The following KHDC4 variants were observed in gnomAD, a reference collection of about 807,000 sequenced individuals.
KHDC4 encodes KH homology domain-containing protein 4.
Under a neutral mutation model 74.5 loss-of-function variants are expected in KHDC4, and 19 were observed. That is an observed-to-expected ratio of 0.26 (90% CI 0.18 to 0.37). The LOEUF (loss-of-function observed/expected upper bound fraction) is 0.37, where lower values mean the gene tolerates loss of function less well. KHDC4 is among the 10% of genes least tolerant of loss of function. KHDC4 has a pLI of 1.00. For synonymous variants in KHDC4, 253 were observed against 266.1 expected (o/e 0.95, Z 0.48); for missense variants, 632 against 754.1 (o/e 0.84, Z 1.90).
At chr1:155,925,283 G>A (rs1351380868) in intron 7 of KHDC4, among the ~76,000 whole-genome samples, 5 of 151,648 alleles carry the variant, frequency 3.3e-5, no homozygotes, top group East Asian at 1.9e-4. Context: ...CACCCGCCTC[G>A]GCCTCCCAAA....
In KHDC4 at chr1:155,925,530, C is replaced by T. The variant is rs530726339; in HGVS notation, c.893+102G>A. ...TAGCATTTATCTAAATCCCTCATTA[C>T]TATTAATTACACCCAGTTTTCTCTT... is the stretch of plus-strand genomic sequence containing the variant. On this transcript the variant is annotated intron_variant, in intron 7 of 13. Coordinates refer to ENST00000368321, the MANE Select transcript of KHDC4 (RefSeq NM_014949.4). 91 of 838,434 alleles carry T rather than the reference C, an allele frequency of 1.1e-4. No individual in the cohort carries two copies. In the African/African-American group the frequency reaches 1.4e-3, roughly 13 times the overall value. The allele number at this position is 838,434 out of a possible 1,614,324, so 51.9% of individuals were successfully genotyped here. A position where few individuals can be genotyped will look rare whatever the true frequency, so the allele number is the denominator to read the frequency against.
At chr1:155,916,957 T>C (rs757413726) in intron 11 of KHDC4, 17 of 396,272 alleles carry the variant, frequency 4.3e-5, no homozygotes, top group Non-Finnish European at 7.7e-5. Flanking sequence ...CATTATGCTA[T>C]CTATGGCCTG....
At chr1:155,931,696 TG>T (rs1674145445) in intron 2 of KHDC4, among the ~76,000 whole-genome samples, 1 of 152,236 alleles carries the variant, frequency 6.6e-6, no homozygotes, top group African/African-American at 2.4e-5. Flanking sequence ...CCTGAGTAGC[TG>T]GGACTACAGG....
intron 4 of KHDC4, among the ~76,000 whole-genome samples, chr1:155,927,464 G>C (rs1674027859): frequency 6.6e-6 from 1 of 151,928 alleles, no homozygotes; most frequent in Non-Finnish European, 1.5e-5. Flanking sequence ...ATTCCTTTTT[G>C]CTGGTTGTCT....
At chr1:155,921,336 A>G (rs1386144034) in intron 10 of KHDC4, 39 bp downstream of exon 10, 2 of 1,599,452 alleles carry the variant, frequency 1.3e-6, no homozygotes, top group Non-Finnish European at 1.7e-6. Context: ...AGTTTTTCCT[A>G]AATTCAGTAA....
At chr1:155,923,780 C>T (rs1673920239) in intron 7 of KHDC4, 93 bp from the exon 8 acceptor site, 1 of 881,130 alleles carries the variant, frequency 1.1e-6, no homozygotes, top group Non-Finnish European at 1.9e-6. Context: ...TACATATCTA[C>T]ATTAATACAT....
intron 8 of KHDC4, among the ~76,000 whole-genome samples, chr1:155,922,770 G>C (rs371311691): frequency 6.6e-6 from 1 of 151,980 alleles, no homozygotes; most frequent in Admixed American, 6.6e-5. Flanking sequence ...AAAATTATCC[G>C]GTACAAGGGT....
At position 155,913,967 on chromosome 1, in the gene KHDC4, T is replaced by C. The variant is rs1311412449; in HGVS notation, c.*154A>G. 1 of 626,196 alleles carries C rather than the reference T, an allele frequency of 1.6e-6. No individual in the cohort carries two copies. Among genetic ancestry groups the C allele is most frequent in the Admixed American group, 3.0e-5 (1 of 33,536 alleles). The allele number at this position is 626,196 out of a possible 1,614,324, so 38.8% of individuals were successfully genotyped here. On this transcript the variant is annotated 3_prime_UTR_variant, in exon 14 of 14. Transcript: ENST00000368321. The stretch of plus-strand genomic sequence containing the variant: ...CAGAAATAAGGATTTTTGTGGTTGT[T>C]AAGGAACCCCTTTAAGAAAGGGGGG...
Position 155,921,586 on chromosome 1 carries a change from G to C in KHDC4, c.1055C>G (p.Pro352Arg). 6.2e-7 allele frequency: 1 copy of C among 1,614,098 alleles called. No homozygotes were observed. The highest frequency in any genetic ancestry group is 8.5e-7 in the Non-Finnish European group (1 of 1,179,998). ...ATAGCCATTGGATGGATAATATGGT[G>C]GTTGAGGAGGGACACTACTTATAGC... Reference protein sequence around the residue: ...PSAISSVPPQPPYYPSNGYQS... With the variant: ...PSAISSVPPQRPYYPSNGYQS... Residue 352 changes from proline to arginine, a missense_variant, in exon 10 of 14, where the codon CCA becomes CGA. Transcript: ENST00000368321.
intron 7 of KHDC4, 68 bp downstream of exon 7, chr1:155,925,564 T>G (rs1673972254): frequency 7.9e-7 from 1 of 1,268,222 alleles, no homozygotes; most frequent in Admixed American, 1.8e-5. Flanking sequence ...TTGCTCCTTC[T>G]GAATCACTCC....
chr1:155,927,833 C>A lies in KHDC4; in HGVS notation c.465-677G>T, dbSNP rs1470772767. On this transcript the variant is annotated intron_variant, in intron 4 of 13. Transcript: ENST00000368321. ...AAAAAAAAAAAAAAAAAAAAAAAAC[C>A]ACACACACACACACACACACACACA... 3.6e-3 allele frequency among the ~76,000 whole-genome samples: 24 copies of A among 6,736 alleles called. 3 individuals are homozygous for A. Among genetic ancestry groups the A allele is most frequent in the African/African-American group, 7.6e-3 (21 of 2,752 alleles). 4.4% of individuals were successfully genotyped at this position (6,736 alleles called of 152,430 possible).
intron 13 of KHDC4, chr1:155,915,540 C>A: frequency 1.5e-5 from 5 of 325,974 alleles, no homozygotes; most frequent in Non-Finnish European, 1.1e-5. Flanking sequence ...TGGAGTCTTG[C>A]TCTATTGCCC....
At chr1:155,932,008 G>A (rs567132195) in intron 2 of KHDC4, among the ~76,000 whole-genome samples, 23 of 152,306 alleles carry the variant, frequency 1.5e-4, no homozygotes, top group Admixed American at 1.4e-3. Context: ...TGAGCACTTG[G>A]CAGGTGGCTA....
chr1:155,929,385 G>T lies in KHDC4; in HGVS notation c.385-10C>A. 1 of 1,608,794 alleles carries T rather than the reference G, an allele frequency of 6.2e-7. No homozygotes were observed. The highest frequency in any genetic ancestry group is 8.5e-7 in the Non-Finnish European group (1 of 1,176,596). On this transcript the variant is annotated splice_polypyrimidine_tract_variant and intron_variant, in intron 3 of 13. Coordinates refer to ENST00000368321, the MANE Select transcript of KHDC4 (RefSeq NM_014949.4). ...CACTAAGTCGGCTGATCTAAAAAAG[G>T]AAATGTTCAATTAAAAAAATGTGGC...
chr1:155,926,456 A>G, intron 6 of KHDC4: 2 of 521,986 alleles, frequency 3.8e-6, no homozygotes, highest in South Asian at 4.0e-5. Flanking sequence ...CAGCCTCCCA[A>G]GTAGCTGGGG....
chr1:155,930,167 C>T (rs1674111074), intron 2 of KHDC4, among the ~76,000 whole-genome samples: 1 of 152,222 alleles, frequency 6.6e-6, no homozygotes, highest in Non-Finnish European at 1.5e-5. Context: ...CCTACCTCGG[C>T]CTCCCAAAGT....
chr1:155,917,956 CAG>C (rs1414726098), intron 10 of KHDC4, among the ~76,000 whole-genome samples: 1 of 152,140 alleles, frequency 6.6e-6, no homozygotes, highest in Non-Finnish European at 1.5e-5. Flanking sequence ...CATTAACAAA[CAG>C]AACTCCAACC....
chr1:155,926,480 C>A, intron 6 of KHDC4, 196 bp downstream of exon 6: 1 of 580,140 alleles, frequency 1.7e-6, no homozygotes, highest in Non-Finnish European at 3.1e-6. Context: ...CAGGTGCCTG[C>A]CACCATGCCC....
intron 2 of KHDC4, among the ~76,000 whole-genome samples, chr1:155,930,374 T>C (rs1674115868): frequency 6.6e-6 from 1 of 152,098 alleles, no homozygotes. Flanking sequence ...ATAAAGTCAA[T>C]AATAAAGTCA....
Sources: allele counts gnomAD v4.1 joint callset (sites outside exome capture counted in the v4.1 genomes callset), GRCh38; gene constraint gnomAD v4.1.1; transcripts MANE v1.5; gene names NCBI Gene and HGNC (gene_info 2026-07-23, HGNC 2026-07-21).